The following KCNN3 variants were observed in gnomAD, a reference collection of about 807,000 sequenced individuals.
KCNN3 encodes small conductance calcium-activated potassium channel protein 3.
KCNN3 carries 16 observed loss-of-function variants against 62.9 expected under a neutral mutation model. The observed-to-expected ratio is 0.25, with a 90% confidence interval of 0.17 to 0.39. The LOEUF is 0.39. Ranked by LOEUF, KCNN3 falls within the 10% of genes least tolerant of loss-of-function variation. KCNN3 has a pLI of 1.00. For synonymous variants in KCNN3, 370 were observed against 389.2 expected (o/e 0.95, Z 0.58); for missense variants, 599 against 949.4 (o/e 0.63, Z 4.85).
intron 3 of KCNN3, 71 bp from the exon 4 acceptor site, chr1:154,733,215 G>C: frequency 1.3e-6 from 2 of 1,492,320 alleles, no homozygotes; most frequent in East Asian, 2.3e-5. Flanking sequence ...GGCAAACCTA[G>C]AGCGGGGAAG....
intron 2 of KCNN3, among the ~76,000 whole-genome samples, chr1:154,794,969 A>AG (rs371021865): frequency 1.1e-4 from 16 of 152,186 alleles, no homozygotes; most frequent in African/African-American, 3.6e-4. Flanking sequence ...CTGTGTAATA[A>AG]GGGGGGCTAT....
intron 2 of KCNN3, among the ~76,000 whole-genome samples, chr1:154,784,938 C>T (rs1649214350): frequency 7.5e-6 from 1 of 133,246 alleles, no homozygotes; most frequent in Non-Finnish European, 1.6e-5. Context: ...GCAGGCAGCT[C>T]TCTTGACTAC....
chr1:154,718,431 G>A (rs989693246), intron 5 of KCNN3, among the ~76,000 whole-genome samples: 7 of 152,204 alleles, frequency 4.6e-5, no homozygotes, highest in African/African-American at 1.4e-4. Flanking sequence ...TGCTTACTAC[G>A]TGCCAGGCTT....
rs536803976 is a variant in KCNN3 at position 154,867,684 on chromosome 1, C to A, written c.933+1348G>T. ...CTATTTGAAACCTCCAACAGCTGAA[C>A]CCCTCCCAGCTACCCGATGGCCAGC... On this transcript the variant is annotated intron_variant, in intron 1 of 7. Transcript: ENST00000271915. Among the ~76,000 whole-genome samples, 114 of 151,900 alleles carry A rather than the reference C, an allele frequency of 7.5e-4. 1 individual carries two copies. In the East Asian group the frequency reaches 0.014, roughly 18 times the overall value.
At chr1:154,827,931 A>T (rs1651204809) in intron 1 of KCNN3, among the ~76,000 whole-genome samples, 1 of 152,144 alleles carries the variant, frequency 6.6e-6, no homozygotes. Flanking sequence ...TTCAGTCACT[A>T]ATGAATGAAG....
chr1:154,766,712 C>T (rs1412305284), intron 3 of KCNN3, among the ~76,000 whole-genome samples: 1 of 147,104 alleles, frequency 6.8e-6, no homozygotes, highest in Non-Finnish European at 1.5e-5. Flanking sequence ...TGGAGTCTGG[C>T]TCTGTCACCC....
At chr1:154,788,826 TTACTCCTC>T (rs1053165880) in intron 2 of KCNN3, among the ~76,000 whole-genome samples, 21 of 152,202 alleles carry the variant, frequency 1.4e-4, no homozygotes, top group Non-Finnish European at 1.5e-5. Flanking sequence ...ACTAGCTTCT[TTACTCCTC>T]ATAGCAGCCC....
chr1:154,736,246 T>G (rs1267568422), intron 3 of KCNN3, among the ~76,000 whole-genome samples: 2 of 152,232 alleles, frequency 1.3e-5, no homozygotes, highest in Non-Finnish European at 2.9e-5. Flanking sequence ...TGACCCAAAT[T>G]AAGTGCTCAC....
At chr1:154,731,061 G>A (rs964245217) in intron 4 of KCNN3, among the ~76,000 whole-genome samples, 3 of 152,094 alleles carry the variant, frequency 2.0e-5, no homozygotes, top group Non-Finnish European at 4.4e-5. Flanking sequence ...GGAAAAGGTC[G>A]GTATTTTAAA....
rs1396079939 is a variant in KCNN3, at chr1:154,796,903, C to T, written c.1030-24510G>A. On this transcript the variant is annotated intron_variant, in intron 2 of 7. Transcript: ENST00000271915. ...CCAAATGAAGATAGTAGAATGGAAA[C>T]AAATGCAAAACCAGAAATGAAAAAG... 3.9e-5 allele frequency among the ~76,000 whole-genome samples: 6 copies of T among 152,304 alleles called. No homozygotes were observed. In the South Asian group the frequency reaches 1.0e-3, roughly 26 times the overall value.
intron 1 of KCNN3, among the ~76,000 whole-genome samples, chr1:154,835,232 T>C (rs1651539829): frequency 6.6e-6 from 1 of 152,222 alleles, no homozygotes; most frequent in Non-Finnish European, 1.5e-5. Flanking sequence ...TACATTCGGG[T>C]TTACCCAGGA....
chr1:154,768,983 C>T (rs1193841277), intron 3 of KCNN3, among the ~76,000 whole-genome samples: 2 of 152,170 alleles, frequency 1.3e-5, no homozygotes, highest in Non-Finnish European at 2.9e-5. Context: ...TGGTGACACA[C>T]ACATGGAAGT....
At chr1:154,727,775 C>G (rs74115846) in intron 4 of KCNN3, among the ~76,000 whole-genome samples, 7,393 of 152,238 alleles carry the variant, frequency 0.049, 234 homozygotes, top group African/African-American at 0.081. Flanking sequence ...TTTAGCCATG[C>G]CTCCAAAAGC....
intron 5 of KCNN3, among the ~76,000 whole-genome samples, chr1:154,716,567 A>C (rs1356936695): frequency 2.6e-5 from 4 of 152,232 alleles, no homozygotes; most frequent in African/African-American, 9.6e-5. Context: ...CTAAGGCTGG[A>C]TTATATTTTT....
chr1:154,850,138 T>C (rs1263586420), intron 1 of KCNN3, among the ~76,000 whole-genome samples: 2 of 152,154 alleles, frequency 1.3e-5, no homozygotes, highest in African/African-American at 4.8e-5. Context: ...CCCTCCACTC[T>C]AGGGGCAGAG....
At chr1:154,764,739 C>G (rs1156819657) in intron 3 of KCNN3, among the ~76,000 whole-genome samples, 2 of 152,186 alleles carry the variant, frequency 1.3e-5, no homozygotes, top group African/African-American at 2.4e-5. Context: ...TACATCCACT[C>G]TTTCCAGAAT....
At chr1:154,826,106 T>G in intron 1 of KCNN3, among the ~76,000 whole-genome samples, 1 of 150,848 alleles carries the variant, frequency 6.6e-6, no homozygotes. Context: ...CAAAAAACAC[T>G]TCTGCAGACA....
intron 2 of KCNN3, among the ~76,000 whole-genome samples, chr1:154,803,633 G>T (rs1650046743): frequency 6.6e-6 from 1 of 152,196 alleles, no homozygotes; most frequent in African/African-American, 2.4e-5. Flanking sequence ...GGAGCGTTGA[G>T]TCCTGTTTTT....
At chr1:154,747,598 G>A (rs1024045849) in intron 3 of KCNN3, among the ~76,000 whole-genome samples, 10 of 152,138 alleles carry the variant, frequency 6.6e-5, no homozygotes, top group Non-Finnish European at 1.3e-4. Flanking sequence ...AGGAAGGGCC[G>A]GGACTCCAGC....
Sources: allele counts gnomAD v4.1 joint callset (sites outside exome capture counted in the v4.1 genomes callset), GRCh38; gene constraint gnomAD v4.1.1; transcripts MANE v1.5; gene names NCBI Gene and HGNC (gene_info 2026-07-23, HGNC 2026-07-21).